EPAS1: variants seen among roughly 807,000 people sequenced by gnomAD.
EPAS1 encodes the protein endothelial PAS domain protein 1.
In EPAS1, 23 loss-of-function variants were observed where a neutral mutation model predicts 87.9. The ratio of observed to expected loss-of-function variants is 0.26; its 90% CI spans 0.19 to 0.37. The LOEUF is 0.37. EPAS1 is among the 10% of genes least tolerant of loss of function. EPAS1 has a pLI of 1.00. For missense variants in EPAS1, 1,138 were observed against 1,120.7 expected, an observed-to-expected ratio of 1.02 and a Z score of -0.22; for synonymous variants, 508 against 444.3, an observed-to-expected ratio of 1.14 and a Z score of -1.80.
At chr2:46,376,245 T>C (rs1684744771) in intron 8 of EPAS1, among the ~76,000 whole-genome samples, 1 of 152,176 alleles carries the variant, frequency 6.6e-6, no homozygotes, top group African/African-American at 2.4e-5. Flanking sequence ...TCTAGTTGTT[T>C]CTACAGACAG....
At chr2:46,359,339 T>C (rs1475435340) in intron 4 of EPAS1, among the ~76,000 whole-genome samples, 2 of 134,182 alleles carry the variant, frequency 1.5e-5, no homozygotes, top group African/African-American at 5.6e-5. Context: ...GCCTCAATAA[T>C]ACCCCAGCAA....
chr2:46,324,960 C>A (rs1683524467), intron 1 of EPAS1, among the ~76,000 whole-genome samples: 2 of 152,222 alleles, frequency 1.3e-5, no homozygotes, highest in African/African-American at 4.8e-5. Flanking sequence ...CTGGGCAGTT[C>A]CCCATTGATA....
chr2:46,305,371 G>C (rs1256384982), intron 1 of EPAS1, among the ~76,000 whole-genome samples: 1 of 152,026 alleles, frequency 6.6e-6, no homozygotes, highest in African/African-American at 2.4e-5. Context: ...CTGTTTGCAG[G>C]GGCCACTTGT....
intron 2 of EPAS1, among the ~76,000 whole-genome samples, chr2:46,350,388 C>G (rs1267816164): frequency 6.6e-6 from 1 of 152,182 alleles, no homozygotes; most frequent in Non-Finnish European, 1.5e-5. Flanking sequence ...TTTCTCTTTA[C>G]TTAGTAACAC....
At chr2:46,308,461 G>GGC (rs1553388759) in intron 1 of EPAS1, among the ~76,000 whole-genome samples, 3 of 38,736 alleles carry the variant, frequency 7.7e-5, no homozygotes, top group East Asian at 7.1e-4. Flanking sequence ...GCTTTTTTTT[G>GGC]GGGGGGGGGG....
rs192930630 is a variant in EPAS1 at position 46,324,140 on chromosome 2, C to T, written c.27-22733C>T. 3.0e-3 allele frequency among the ~76,000 whole-genome samples: 451 copies of T among 152,344 alleles called. 3 individuals are homozygous for T. The highest frequency in any genetic ancestry group is 9.8e-3 in the African/African-American group (407 of 41,570). ...GGAGTGCGGTGGTGCGATCTTGGCT[C>T]ACTGCAAGCTCCGCCTTCTGGGTTC... On this transcript the variant is annotated intron_variant, in intron 1 of 15. Coordinates refer to ENST00000263734, the MANE Select transcript of EPAS1 (RefSeq NM_001430.5).
intron 1 of EPAS1, among the ~76,000 whole-genome samples, chr2:46,320,968 A>AGT (rs1683444514): frequency 6.6e-6 from 1 of 152,324 alleles, no homozygotes; most frequent in South Asian, 2.1e-4. Flanking sequence ...GTTGGGCTAC[A>AGT]AGCACCACTG....
Position 46,306,799 on chromosome 2 carries a change from C to G in EPAS1, c.26+8862C>G, listed in dbSNP as rs142524858. 3.3e-5 allele frequency among the ~76,000 whole-genome samples: 5 copies of G among 152,262 alleles called. No homozygotes were observed. In the East Asian group the frequency reaches 7.7e-4, roughly 24 times the overall value. On this transcript the variant is annotated intron_variant, in intron 1 of 15. Coordinates refer to ENST00000263734, the MANE Select transcript of EPAS1 (RefSeq NM_001430.5). ...ACAAGATTTTAAAAATCACATATAT[C>G]AAATATATGGGGAAATGAGACACAA... is the stretch of plus-strand genomic sequence containing the variant.
At chr2:46,302,634 C>T (rs1683030601) in intron 1 of EPAS1, among the ~76,000 whole-genome samples, 1 of 149,078 alleles carries the variant, frequency 6.7e-6, no homozygotes, top group African/African-American at 2.5e-5. Context: ...AGATGACAAA[C>T]TTGTATTCAA....
chr2:46,381,268 A>G (rs761308288), intron 12 of EPAS1: 41 of 402,452 alleles, frequency 1.0e-4, no homozygotes, highest in South Asian at 5.5e-4. Context: ...CTTGCCCTTT[A>G]TAGAGCAGCC....
intron 1 of EPAS1, among the ~76,000 whole-genome samples, chr2:46,305,717 T>TC (rs60142646): frequency 0.96 from 145,865 of 152,138 alleles, 69,960 homozygotes; most frequent in East Asian, 1. Context: ...TCTTGAACTA[T>TC]CCCCCCATCC....
intron 1 of EPAS1, among the ~76,000 whole-genome samples, chr2:46,306,946 A>G (rs1683117561): frequency 6.6e-6 from 1 of 152,228 alleles, no homozygotes; most frequent in Non-Finnish European, 1.5e-5. Flanking sequence ...ATATTTTTCT[A>G]AATGAAAACA....
At chr2:46,366,342 T>C (rs1246148217) in intron 6 of EPAS1, among the ~76,000 whole-genome samples, 1 of 152,254 alleles carries the variant, frequency 6.6e-6, no homozygotes, top group Non-Finnish European at 1.5e-5. Context: ...TCATTCATTT[T>C]ACATTTTGAA....
At chr2:46,370,865 G>A (rs1684614139) in intron 7 of EPAS1, among the ~76,000 whole-genome samples, 1 of 152,104 alleles carries the variant, frequency 6.6e-6, no homozygotes, top group Non-Finnish European at 1.5e-5. Flanking sequence ...AGGGCTCTGG[G>A]CCTATAACCC....
At chr2:46,326,056 A>T (rs1367547393) in intron 1 of EPAS1, among the ~76,000 whole-genome samples, 1 of 152,224 alleles carries the variant, frequency 6.6e-6, no homozygotes, top group Non-Finnish European at 1.5e-5. Flanking sequence ...GTGACATTCA[A>T]TATGAAATGG....
rs1374021967 is a variant in EPAS1 at position 46,356,170 on chromosome 2, C to T, written c.237C>T (p.Ser79=). 8.4e-6 allele frequency: 13 copies of T among 1,539,004 alleles called. No individual in the cohort carries two copies. Among genetic ancestry groups the T allele is most frequent in the South Asian group, 7.8e-5 (7 of 90,060 alleles). The change falls in exon 3 of 16, where the codon TCC becomes TCT. Residue 79 remains serine, a synonymous_variant. Transcript: ENST00000263734. ...LLSSVCSENE[S]EAEADQQMDN... Reference sequence around the variant, plus strand: ...TTCCAGTTTGCTCTGAAAACGAGTCCGAAGCCGAAGCTGACCAGCAGATGG... The same window carrying T: ...TTCCAGTTTGCTCTGAAAACGAGTCTGAAGCCGAAGCTGACCAGCAGATGG...
rs762263433 is a variant in EPAS1, at chr2:46,347,366, A to G, written c.217+303A>G. The G allele has an allele frequency of 7.1e-5, 33 of 462,734 alleles. 1 individual carries two copies. The Middle Eastern group carries it at 1.9e-3, about 27-fold the overall frequency. The allele number at this position is 462,734 out of a possible 1,614,324, so 28.7% of individuals were successfully genotyped here. On this transcript the variant is annotated intron_variant, in intron 2 of 15. Coordinates refer to ENST00000263734, the MANE Select transcript of EPAS1 (RefSeq NM_001430.5). This position sits in a 1 kb window ranked among gnomAD's most constrained non-coding sequence, Gnocchi z 4.2. ...AAGGACGGCTTTTGCTGACTTCTCA[A>G]TTTGTTGCCATCTGGCCATAAGACC...
chr2:46,336,115 G>A (rs1301329772), intron 1 of EPAS1, among the ~76,000 whole-genome samples: 1 of 152,202 alleles, frequency 6.6e-6, no homozygotes, highest in African/African-American at 2.4e-5. Context: ...AGGCTGGGCT[G>A]GGGATGGAGG....
chr2:46,312,842 T>A (rs1435428214), intron 1 of EPAS1, among the ~76,000 whole-genome samples: 5 of 152,236 alleles, frequency 3.3e-5, no homozygotes, highest in Non-Finnish European at 7.3e-5. Context: ...TGCTCCTTTC[T>A]ACATCTGGCC....
Sources: allele counts gnomAD v4.1 joint callset (sites outside exome capture counted in the v4.1 genomes callset), GRCh38; gene constraint gnomAD v4.1.1; non-coding constraint Gnocchi (gnomAD v3.1); transcripts MANE v1.5; gene names NCBI Gene and HGNC (gene_info 2026-07-23, HGNC 2026-07-21).